STK3: variants seen among roughly 807,000 people sequenced by gnomAD.
The protein encoded by STK3 is serine/threonine kinase 3, also known as serine/threonine-protein kinase 3.
A neutral mutation model predicts 58.0 loss-of-function variants in STK3; 41 were observed. The ratio of observed to expected loss-of-function variants is 0.71; its 90% confidence interval spans 0.55 to 0.92. The LOEUF (loss-of-function observed/expected upper bound fraction) is 0.92. Among genes scored for constraint, STK3 ranks in the 40% least tolerant of loss-of-function variants. The pLI is 0.00. For synonymous variants in STK3, 170 were observed against 191.0 expected, an observed-to-expected ratio of 0.89 and a Z score of 0.91; for missense variants, 479 against 602.7, an observed-to-expected ratio of 0.79 and a Z score of 2.15.
At chr8:98,484,140 T>TCTTTAAGTATTAA in intron 10 of STK3, among the ~76,000 whole-genome samples, 1 of 65,764 alleles carries the variant, frequency 1.5e-5, no homozygotes, top group Non-Finnish European at 3.5e-5. Flanking sequence ...GTCCACTAAG[T>TCTTTAAGTATTAA]AGACTTAGAC....
intron 1 of STK3, 36 bp downstream of exon 1, chr8:98,825,479 C>G (rs1017978514): frequency 6.9e-7 from 1 of 1,445,582 alleles, no homozygotes; most frequent in Non-Finnish European, 9.2e-7. Context: ...CCGCCGGCGC[C>G]GCTTCCCTCC....
At chr8:98,585,805 C>A (rs1429221126) in intron 7 of STK3, among the ~76,000 whole-genome samples, 2 of 151,924 alleles carry the variant, frequency 1.3e-5, no homozygotes. Flanking sequence ...TTGAAGAGGT[C>A]CTTCACATCC....
At chr8:98,782,627 TA>T in intron 1 of STK3, 1 of 223,882 alleles carries the variant, frequency 4.5e-6, no homozygotes. Context: ...GACGAGGAAA[TA>T]AAGCTCCCCT....
At chr8:98,553,456 G>A (rs1563733333) in intron 8 of STK3, 1 of 152,090 alleles carries the variant, frequency 6.6e-6, no homozygotes, top group Non-Finnish European at 1.5e-5. Flanking sequence ...AATGTTAAAT[G>A]CCTCATTATG....
intron 6 of STK3, among the ~76,000 whole-genome samples, chr8:98,618,871 T>C (rs1187713644): frequency 1.3e-5 from 2 of 150,290 alleles, no homozygotes; most frequent in Admixed American, 6.6e-5. Flanking sequence ...ATCAATATCG[T>C]GAAAAAGGCC....
In STK3 at chr8:98,752,646, A is replaced by G. The variant is rs537464817; in HGVS notation, c.237-3256T>C. Among the ~76,000 whole-genome samples the G allele has an allele frequency of 2.6e-5, 4 of 152,286 alleles. No homozygotes were observed. In the East Asian group the frequency reaches 7.7e-4, roughly 29 times the overall value. ...CTTCTGTACAGCAAAAGAAACTATC[A>G]AGAGAGTAAATAGATAACTTACAAA... is the stretch of plus-strand genomic sequence containing the variant. On this transcript the variant is annotated intron_variant, in intron 3 of 10. Coordinates refer to ENST00000419617, the MANE Select transcript of STK3 (RefSeq NM_006281.4).
At chr8:98,888,412 C>T (rs186909550) in intron 1 of STK3, among the ~76,000 whole-genome samples, 21 of 152,220 alleles carry the variant, frequency 1.4e-4, no homozygotes, top group African/African-American at 4.8e-4. Context: ...CTCAGTGCCT[C>T]CGGTGTCTGA....
chr8:98,464,851 C>T (rs1190079313), intron 10 of STK3, among the ~76,000 whole-genome samples: 1 of 152,048 alleles, frequency 6.6e-6, no homozygotes, highest in Non-Finnish European at 1.5e-5. Context: ...TACTGGCAGA[C>T]CCCCCTTCCC....
chr8:98,889,008 C>T (rs991005710), intron 1 of STK3, among the ~76,000 whole-genome samples: 4 of 152,170 alleles, frequency 2.6e-5, no homozygotes, highest in African/African-American at 9.7e-5. Context: ...AGAATTCAGC[C>T]CTCCTCCCCT....
intron 1 of STK3, among the ~76,000 whole-genome samples, chr8:98,790,914 G>A (rs1032409522): frequency 1.3e-5 from 2 of 152,030 alleles, no homozygotes; most frequent in Non-Finnish European, 2.9e-5. Flanking sequence ...AACCCCAGAG[G>A]CAGAGGTTGC....
intron 1 of STK3, among the ~76,000 whole-genome samples, chr8:98,916,932 C>A (rs1052208787): frequency 2.0e-5 from 3 of 152,234 alleles, no homozygotes; most frequent in Admixed American, 2.0e-4. Flanking sequence ...GGAGCTGAGT[C>A]CTGAGCAATG....
At chr8:98,854,358 C>T (rs950093630) in intron 3 of STK3, among the ~76,000 whole-genome samples, 68 of 152,148 alleles carry the variant, frequency 4.5e-4, no homozygotes, top group African/African-American at 1.3e-3. Context: ...AGGCTGATCT[C>T]GAACTCCTGA....
In STK3 at chr8:98,596,099, G is replaced by A. The variant is rs1044970778; in HGVS notation, c.755C>T (p.Thr252Ile). 2 of 1,613,256 alleles carry A rather than the reference G, an allele frequency of 1.2e-6. No individual in the cohort carries two copies. The highest frequency in any genetic ancestry group is 1.1e-5 in the South Asian group (1 of 90,922). The change falls in exon 7 of 11, where the codon ACC becomes ATC. Residue 252 changes from threonine to isoleucine, a missense_variant. This residue lies in a region of STK3 where 309 missense variants were observed against 355.7 expected (regional missense o/e 0.87). Coordinates refer to ENST00000419617, the MANE Select transcript of STK3 (RefSeq NM_006281.4). Reference sequence around the variant, plus strand: ...CACCAAACACTTTTTAACAAAATCGGTGAAATCATCGGACCAAAGTTCTGG... The same window carrying A: ...CACCAAACACTTTTTAACAAAATCGATGAAATCATCGGACCAAAGTTCTGG... ...RKPELWSDDF[T>I]DFVKKCLVKN...
At chr8:98,834,282 G>C (rs73277866) in intron 3 of STK3, among the ~76,000 whole-genome samples, 4,058 of 152,206 alleles carry the variant, frequency 0.027, 181 homozygotes, top group African/African-American at 0.093. Flanking sequence ...CTGCTAACTG[G>C]AGTGCATATT....
chr8:98,863,539 G>A (rs938510251), intron 3 of STK3, among the ~76,000 whole-genome samples: 4 of 152,056 alleles, frequency 2.6e-5, no homozygotes, highest in Admixed American at 6.6e-5. Context: ...TTTAGAGCAC[G>A]CCTAGCATGT....
the STK3 span, among the ~76,000 whole-genome samples, chr8:98,361,295 GA>G: frequency 6.6e-5 from 10 of 150,850 alleles, 1 homozygote; most frequent in South Asian, 1.5e-3. Context: ...GGTAGCTGCA[GA>G]AAAAAAAATG....
intron 6 of STK3, among the ~76,000 whole-genome samples, chr8:98,682,670 A>G (rs1411251510): frequency 6.6e-6 from 1 of 152,168 alleles, no homozygotes; most frequent in Non-Finnish European, 1.5e-5. Context: ...GCTGAATTCT[A>G]TTCTACAGCA....
At position 98,442,000 on chromosome 8, in the gene STK3, G is replaced by T. The variant is rs147143357; in HGVS notation, n.186-4792C>A. Among the ~76,000 whole-genome samples the T allele has an allele frequency of 5.3e-3, 806 of 152,196 alleles. 8 individuals carry two copies. Among genetic ancestry groups the T allele is most frequent in the African/African-American group, 0.019 (777 of 41,510 alleles). ...CTAAAATTCAACATGTCCAATTCTG[G>T]ACTCATTCTCGCATCCCTAAAACCC... On this transcript the variant is annotated intron_variant and non_coding_transcript_variant, in intron 1 of 3. Coordinates refer to the STK3 transcript ENST00000517832.
downstream of STK3, among the ~76,000 whole-genome samples, chr8:98,453,299 G>C (rs1052945637): frequency 6.6e-6 from 1 of 151,430 alleles, no homozygotes; most frequent in Non-Finnish European, 1.5e-5. Context: ...ATATTAGTCA[G>C]GCTGGTCTCG....
Sources: allele counts gnomAD v4.1 joint callset (sites outside exome capture counted in the v4.1 genomes callset), GRCh38; gene constraint gnomAD v4.1.1; regional missense constraint gnomAD v4.1.1; transcripts MANE v1.5; gene names NCBI Gene and HGNC (gene_info 2026-07-23, HGNC 2026-07-21).